Variants in ITGA1 observed in about 807,000 individuals in gnomAD.
The protein encoded by ITGA1 is integrin subunit alpha 1, also known as integrin alpha-1.
A neutral mutation model predicts 145.9 loss-of-function variants in ITGA1; 85 were observed. That is an observed-to-expected ratio of 0.58 (90% CI 0.49 to 0.70). ITGA1 has a LOEUF of 0.70. Ranked by LOEUF, ITGA1 falls within the 30% of genes least tolerant of loss-of-function variation. The probability of loss-of-function intolerance (pLI) is 0.00; values close to 1 mark genes in which losing one functional copy is unlikely to be tolerated. For missense variants in ITGA1, 1,351 were observed against 1,418.7 expected, an observed-to-expected ratio of 0.95 and a Z score of 0.77; for synonymous variants, 520 against 495.3, an observed-to-expected ratio of 1.05 and a Z score of -0.66.
At chr5:52,859,101 A>G (rs1044033427) in intron 2 of ITGA1, among the ~76,000 whole-genome samples, 1 of 152,168 alleles carries the variant, frequency 6.6e-6, no homozygotes, top group African/African-American at 2.4e-5. Context: ...TATAAATTCA[A>G]TAAAGCCTAG....
At chr5:52,836,850 A>G (rs1247788459) in intron 1 of ITGA1, among the ~76,000 whole-genome samples, 1 of 152,156 alleles carries the variant, frequency 6.6e-6, no homozygotes, top group Non-Finnish European at 1.5e-5. Context: ...ATAAAATTAG[A>G]AAATCTTAGA....
chr5:52,845,591 A>C (rs1749320093), intron 1 of ITGA1, among the ~76,000 whole-genome samples: 1 of 152,274 alleles, frequency 6.6e-6, no homozygotes, highest in African/African-American at 2.4e-5. Context: ...CATCTGTTCA[A>C]GAGTGGTTTT....
At chr5:52,847,913 A>G (rs1749363991) in intron 1 of ITGA1, among the ~76,000 whole-genome samples, 1 of 152,134 alleles carries the variant, frequency 6.6e-6, no homozygotes, top group Non-Finnish European at 1.5e-5. Flanking sequence ...TACTTTAAAA[A>G]CCAGTACCAA....
intron 22 of ITGA1, 50 bp from the exon 23 acceptor site, chr5:52,933,843 TA>T: frequency 1.1e-6 from 1 of 929,402 alleles, no homozygotes; most frequent in Admixed American, 2.6e-5. Flanking sequence ...TGAGGCCAAA[TA>T]AAAGTTAAAC....
intron 1 of ITGA1, among the ~76,000 whole-genome samples, chr5:52,835,999 G>A (rs79571278): frequency 0.014 from 2,064 of 152,076 alleles, 42 homozygotes; most frequent in African/African-American, 0.048. Flanking sequence ...ATATTTTCTT[G>A]ATATCATTAG....
rs10054754 is a variant in ITGA1 at position 52,847,455 on chromosome 5, G to C, written c.62-1910G>C. 6.9e-3 allele frequency among the ~76,000 whole-genome samples: 1,057 copies of C among 152,224 alleles called. 17 individuals carry two copies. Among genetic ancestry groups the C allele is most frequent in the African/African-American group, 0.024 (1,012 of 41,526 alleles). ...TTCAGGATCTATGTGGCTATATGGTGGTTTTAACAAAGAAGACTGAATTTA... is the reference window on the plus strand; with the variant it reads ...TTCAGGATCTATGTGGCTATATGGTCGTTTTAACAAAGAAGACTGAATTTA... On this transcript the variant is annotated intron_variant, in intron 1 of 28. Transcript: ENST00000282588.
chr5:52,830,268 CT>C (rs1199173601), intron 1 of ITGA1, among the ~76,000 whole-genome samples: 1 of 151,860 alleles, frequency 6.6e-6, no homozygotes, highest in Non-Finnish European at 1.5e-5. Flanking sequence ...TTCTTTTTTT[CT>C]CTCAGTTTTT....
At position 52,959,138 on chromosome 5, in the gene ITGA1, G is replaced by A. The variant is rs955589153; in HGVS notation, c.*6687G>A. The A allele has an allele frequency of 2.0e-5, 3 of 152,110 alleles. No individual in the cohort carries two copies. Among genetic ancestry groups the A allele is most frequent in the African/African-American group, 7.2e-5 (3 of 41,430 alleles). 9.4% of individuals were successfully genotyped at this position (152,110 alleles called of 1,614,324 possible). On this transcript the variant is annotated 3_prime_UTR_variant, in exon 29 of 29. Coordinates refer to ENST00000282588, the MANE Select transcript of ITGA1 (RefSeq NM_181501.2). The stretch of plus-strand genomic sequence containing the variant: ...TTCTGTCTTATCTGGTGCATCAGCT[G>A]TGTATTTTACGTCAAGGTAAATGAG...
intron 11 of ITGA1, chr5:52,903,526 G>T (rs1750349585): frequency 1.3e-5 from 2 of 152,126 alleles, no homozygotes; most frequent in South Asian, 4.1e-4. Flanking sequence ...ATATGCCTGA[G>T]GAATAGTGTT....
At position 52,853,725 on chromosome 5, in the gene ITGA1, A is replaced by G. The variant is rs115758816; in HGVS notation, c.182+4240A>G. Among the ~76,000 whole-genome samples, 1,467 of 152,318 alleles carry G rather than the reference A, an allele frequency of 9.6e-3. 10 individuals are homozygous for G. Among genetic ancestry groups the G allele is most frequent in the Non-Finnish European group, 0.015 (1,043 of 68,022 alleles). On this transcript the variant is annotated intron_variant, in intron 2 of 28. Coordinates refer to ENST00000282588, the MANE Select transcript of ITGA1 (RefSeq NM_181501.2). ...AGAAGCCACATGCTTTCTCAGTAGCAGAACACATCATACATCTGATTAAGA... is the reference window on the plus strand; with the variant it reads ...AGAAGCCACATGCTTTCTCAGTAGCGGAACACATCATACATCTGATTAAGA...
At chr5:52,910,690 T>A (rs1450278480) in intron 14 of ITGA1, among the ~76,000 whole-genome samples, 2 of 147,326 alleles carry the variant, frequency 1.4e-5, no homozygotes, top group African/African-American at 4.9e-5. Flanking sequence ...CTATATATAC[T>A]ATATACACAC....
At chr5:52,902,588 T>A (rs971445797) in intron 11 of ITGA1, 1 of 152,208 alleles carries the variant, frequency 6.6e-6, no homozygotes, top group Non-Finnish European at 1.5e-5. Context: ...TTTCTCTTTA[T>A]TTGAGACAGA....
At chr5:52,845,490 C>T (rs1403540245) in intron 1 of ITGA1, among the ~76,000 whole-genome samples, 4 of 152,072 alleles carry the variant, frequency 2.6e-5, no homozygotes, top group African/African-American at 9.7e-5. Context: ...TCACAAGCTC[C>T]CAGGTGATAC....
intron 1 of ITGA1, among the ~76,000 whole-genome samples, chr5:52,819,963 T>C (rs1183571325): frequency 6.6e-6 from 1 of 152,254 alleles, no homozygotes; most frequent in Non-Finnish European, 1.5e-5. Flanking sequence ...GTTAGATATG[T>C]GGCATTATTT....
At chr5:52,895,910 G>A (rs919820991) in intron 9 of ITGA1, among the ~76,000 whole-genome samples, 3 of 151,988 alleles carry the variant, frequency 2.0e-5, no homozygotes, top group East Asian at 1.9e-4. Flanking sequence ...TTTGTTGCTC[G>A]GGAAATCTCC....
chr5:52,907,161 G>A (rs1381371776), intron 12 of ITGA1, among the ~76,000 whole-genome samples: 4 of 152,130 alleles, frequency 2.6e-5, no homozygotes, highest in African/African-American at 9.7e-5. Context: ...AGATTCCCAG[G>A]GCAACAGAGT....
chr5:52,887,891 T>C lies in ITGA1; in HGVS notation c.850T>C (p.Ser284Pro). 6.2e-7 allele frequency: 1 copy of C among 1,613,714 alleles called. No homozygotes were observed. The highest frequency in any genetic ancestry group is 8.5e-7 in the Non-Finnish European group (1 of 1,179,792). The stretch of plus-strand genomic sequence containing the variant: ...CATGGTTATTGTGACAGATGGAGAG[T>C]CTCATGACAATCATCGACTGAAGAA... ...KVMVIVTDGESHDNHRLKKVI... is the reference protein window; with the variant it reads ...KVMVIVTDGEPHDNHRLKKVI... The change falls in exon 8 of 29, where the codon TCT (serine) becomes CCT (proline). Residue 284 changes from serine to proline, a missense_variant. By Grantham distance (74) the Ser-to-Pro change is moderately conservative. Transcript: ENST00000282588.
intron 7 of ITGA1, among the ~76,000 whole-genome samples, chr5:52,883,664 T>G (rs1439186968): frequency 6.6e-6 from 1 of 152,154 alleles, no homozygotes; most frequent in African/African-American, 2.4e-5. Context: ...TATCCCAAAT[T>G]TTTACTTTTG....
intron 15 of ITGA1, 111 bp from the exon 16 acceptor site, chr5:52,918,621 G>C: frequency 2.1e-6 from 2 of 949,968 alleles, no homozygotes; most frequent in Non-Finnish European, 3.1e-6. Context: ...CCTGAGCGCT[G>C]TATTATACAT....
Sources: allele counts gnomAD v4.1 joint callset (sites outside exome capture counted in the v4.1 genomes callset), GRCh38; gene constraint gnomAD v4.1.1; transcripts MANE v1.5; gene names NCBI Gene and HGNC (gene_info 2026-07-23, HGNC 2026-07-21).